Variants in ATF6 observed in about 807,000 individuals in gnomAD.
ATF6 encodes the protein cyclic AMP-dependent transcription factor ATF-6 alpha.
A neutral mutation model predicts 83.6 loss-of-function variants in ATF6; 53 were observed. The observed-to-expected ratio is 0.63, with a 90% CI of 0.51 to 0.80. The LOEUF (loss-of-function observed/expected upper bound fraction) is 0.80. ATF6 is among the 30% of genes least tolerant of loss of function. ATF6 has a pLI of 0.00. For missense variants in ATF6, 744 were observed against 797.9 expected, an observed-to-expected ratio of 0.93 and a Z score of 0.81; for synonymous variants, 288 against 285.8, an observed-to-expected ratio of 1.01 and a Z score of -0.08.
chr1:161,940,412 T>TC (rs1265653967), intron 15 of ATF6, among the ~76,000 whole-genome samples: 1 of 152,158 alleles, frequency 6.6e-6, no homozygotes, highest in East Asian at 1.9e-4. Context: ...TTTCCCATTT[T>TC]CCACTTATAT....
At chr1:161,954,857 C>T (rs1261557855) in intron 15 of ATF6, among the ~76,000 whole-genome samples, 2 of 152,296 alleles carry the variant, frequency 1.3e-5, no homozygotes, top group Non-Finnish European at 2.9e-5. Flanking sequence ...GTGTTCATCT[C>T]ATTCTGTTTA....
chr1:161,848,238 A>C (rs12407444), intron 10 of ATF6, among the ~76,000 whole-genome samples: 21,582 of 152,046 alleles, frequency 0.14, 2,096 homozygotes, highest in East Asian at 0.31. Context: ...GATGTTCTTG[A>C]TTTTATCAGT....
chr1:161,788,739 G>A (rs1684804040), intron 4 of ATF6, among the ~76,000 whole-genome samples: 1 of 152,002 alleles, frequency 6.6e-6, no homozygotes, highest in Admixed American at 6.5e-5. Context: ...TAGGGATCTA[G>A]CACTAGGTAG....
At chr1:161,781,846 C>A in intron 2 of ATF6, 66 bp from the exon 3 acceptor site, 1 of 1,065,430 alleles carries the variant, frequency 9.4e-7, no homozygotes, top group South Asian at 1.5e-5. Flanking sequence ...TTGTGTCTCA[C>A]AGTTTGATTT....
intron 9 of ATF6, among the ~76,000 whole-genome samples, chr1:161,832,215 A>G (rs1467916390): frequency 2.6e-5 from 4 of 152,214 alleles, no homozygotes; most frequent in Non-Finnish European, 5.9e-5. Flanking sequence ...ATTTTGAAAA[A>G]AAATCTGGAA....
intron 15 of ATF6, among the ~76,000 whole-genome samples, chr1:161,951,043 A>G (rs1017594880): frequency 1.3e-5 from 2 of 152,208 alleles, no homozygotes; most frequent in Non-Finnish European, 2.9e-5. Context: ...AATTAGCCAG[A>G]TTTCCTGAAA....
intron 1 of ATF6, among the ~76,000 whole-genome samples, chr1:161,767,631 T>A (rs1263156008): frequency 6.6e-6 from 1 of 152,198 alleles, no homozygotes; most frequent in Non-Finnish European, 1.5e-5. Context: ...GAATTTGTGC[T>A]CAGATTCTTA....
Position 161,943,677 on chromosome 1 carries a change from C to A in ATF6, c.1805-14769C>A, listed in dbSNP as rs112674212. ...TATGTAATGCCCTCTCCCCAGACAC[C>A]TGCTTGACTAGCTCCCCCAGTTCTG... On this transcript the variant is annotated intron_variant, in intron 15 of 15. Transcript: ENST00000367942. 5.9e-5 allele frequency among the ~76,000 whole-genome samples: 9 copies of A among 152,256 alleles called. No individual in the cohort carries two copies. The East Asian group carries it at 1.4e-3, about 23-fold the overall frequency.
At chr1:161,843,323 C>T (rs1172758235) in intron 9 of ATF6, among the ~76,000 whole-genome samples, 24 of 152,150 alleles carry the variant, frequency 1.6e-4, no homozygotes. Flanking sequence ...CACAAAATGA[C>T]ATTGCATGAA....
chr1:161,946,177 T>C (rs1424139055), intron 15 of ATF6, among the ~76,000 whole-genome samples: 1 of 152,124 alleles, frequency 6.6e-6, no homozygotes, highest in Admixed American at 6.5e-5. Flanking sequence ...GTATTTTTCA[T>C]AGAGACAGGA....
intron 15 of ATF6, 106 bp from the exon 16 acceptor site, chr1:161,958,340 C>G (rs747851485): frequency 2.7e-5 from 31 of 1,131,138 alleles, no homozygotes; most frequent in Non-Finnish European, 3.8e-5. Context: ...AGTTTACTGA[C>G]AGTTCACACC....
At chr1:161,770,922 A>G (rs1029751337) in intron 1 of ATF6, among the ~76,000 whole-genome samples, 5 of 152,222 alleles carry the variant, frequency 3.3e-5, no homozygotes, top group African/African-American at 1.2e-4. Context: ...TGTCTTCCAA[A>G]GTGGCTATAC....
intron 7 of ATF6, among the ~76,000 whole-genome samples, chr1:161,803,843 T>G (rs1279907002): frequency 6.6e-6 from 1 of 152,136 alleles, no homozygotes; most frequent in Non-Finnish European, 1.5e-5. Context: ...GAAATTTCTT[T>G]TTTTTTGTTT....
chr1:161,781,587 G>A (rs1231471183), intron 2 of ATF6, among the ~76,000 whole-genome samples: 1 of 152,056 alleles, frequency 6.6e-6, no homozygotes, highest in Non-Finnish European at 1.5e-5. Flanking sequence ...AATGTATTTT[G>A]CTGGATTTCC....
intron 14 of ATF6, among the ~76,000 whole-genome samples, chr1:161,906,582 A>G (rs1687881159): frequency 6.6e-6 from 1 of 152,184 alleles, no homozygotes; most frequent in African/African-American, 2.4e-5. Context: ...TCAAAACTTG[A>G]ATTTGTACTT....
At chr1:161,913,005 G>T (rs569910878) in intron 15 of ATF6, among the ~76,000 whole-genome samples, 14 of 152,282 alleles carry the variant, frequency 9.2e-5, no homozygotes, top group African/African-American at 3.4e-4. Flanking sequence ...AGTAATATGT[G>T]AGGTACTAAG....
At chr1:161,822,143 G>A (rs1392392655) in intron 9 of ATF6, among the ~76,000 whole-genome samples, 1 of 152,162 alleles carries the variant, frequency 6.6e-6, no homozygotes, top group Non-Finnish European at 1.5e-5. Flanking sequence ...ACTAGATATT[G>A]AGAATTAACA....
rs1684261303 is a variant in ATF6 at position 161,766,388 on chromosome 1, A to G, written c.28A>G (p.Thr10Ala). The G allele has an allele frequency of 6.2e-7, 1 of 1,613,540 alleles. No individual in the cohort carries two copies. The highest frequency in any genetic ancestry group is 1.7e-4 in the Middle Eastern group (1 of 6,060). The change falls in exon 1 of 16, where the codon ACC becomes GCC. Residue 10 changes from threonine (T) to alanine (A), a missense_variant. Transcript: ENST00000367942. The part of the protein sequence containing the change: MGEPAGVAG[T>A]MESPFSPGLF... ...GGGGGAGCCGGCTGGGGTTGCCGGC[A>G]CCATGGAGTCACCTTTTAGCCCGGG...
At chr1:161,885,848 T>G (rs1236014833) in intron 14 of ATF6, among the ~76,000 whole-genome samples, 1 of 152,156 alleles carries the variant, frequency 6.6e-6, no homozygotes, top group Admixed American at 6.5e-5. Context: ...AATCCAAAAT[T>G]TCATACTGGG....
Sources: allele counts gnomAD v4.1 joint callset (sites outside exome capture counted in the v4.1 genomes callset), GRCh38; gene constraint gnomAD v4.1.1; transcripts MANE v1.5; gene names NCBI Gene and HGNC (gene_info 2026-07-23, HGNC 2026-07-21).